The following GUCD1 variants were observed in gnomAD, a reference collection of about 807,000 sequenced individuals.
GUCD1 encodes the protein protein GUCD1.
GUCD1 carries 17 observed loss-of-function variants against 28.3 expected under a neutral mutation model. That is an observed-to-expected ratio of 0.60 (90% CI 0.41 to 0.90). The LOEUF is 0.90. Among genes scored for constraint, GUCD1 ranks in the 40% least tolerant of loss-of-function variants. The probability of loss-of-function intolerance (pLI) is 0.00; values close to 1 mark genes in which losing one functional copy is unlikely to be tolerated. For missense variants in GUCD1, 279 were observed against 305.5 expected, an observed-to-expected ratio of 0.91 and a Z score of 0.65; for synonymous variants, 129 against 123.3, an observed-to-expected ratio of 1.05 and a Z score of -0.30.
rs1368880460 is a variant in GUCD1, at chr22:24,542,999, C to T, written c.*7G>A. The T allele has an allele frequency of 9.3e-6, 15 of 1,607,564 alleles. No homozygotes were observed. Among genetic ancestry groups the T allele is most frequent in the Non-Finnish European group, 1.3e-5 (15 of 1,174,260 alleles). ...TCCGAGGGCCTAGGCGCACCAGGCT[C>T]CTGCTGTCAGCTGTCCAAGTAGACA... On this transcript the variant is annotated 3_prime_UTR_variant, in exon 6 of 6. Coordinates refer to ENST00000435822, the MANE Select transcript of GUCD1 (RefSeq NM_001284254.2).
intron 3 of GUCD1, 39 bp from the exon 4 acceptor site, chr22:24,547,044 G>A (rs1569012157): frequency 2.0e-6 from 3 of 1,486,066 alleles, no homozygotes; most frequent in Admixed American, 1.7e-5. Flanking sequence ...CCACCACCCA[G>A]GCTGCCTTCA....
rs749592801 is a variant in GUCD1 at position 24,543,031 on chromosome 22, A to G, written c.695T>C (p.Ile232Thr). The G allele has an allele frequency of 5.0e-6, 8 of 1,613,586 alleles. No homozygotes were observed. The South Asian group carries it at 8.8e-5, about 18-fold the overall frequency. The part of the protein sequence containing the change: ...ARTSYGTDED[I>T]LFVYLDS Reference sequence around the variant, plus strand: ...TCAGCTGTCCAAGTAGACAAAGAGGATGTCCTCATCTGTGCCATAGCTGGT... The same window carrying G: ...TCAGCTGTCCAAGTAGACAAAGAGGGTGTCCTCATCTGTGCCATAGCTGGT... The change falls in exon 6 of 6, where the codon ATC becomes ACC. Residue 232 changes from isoleucine (I) to threonine (T), a missense_variant. Transcript: ENST00000435822.
chr22:24,544,280 T>C (rs888957363), intron 4 of GUCD1, among the ~76,000 whole-genome samples, 197 bp from the exon 5 acceptor site: 3 of 151,622 alleles, frequency 2.0e-5, no homozygotes, highest in Non-Finnish European at 4.4e-5. Flanking sequence ...GGGGGGTGTG[T>C]GTGTGTGTCT....
At position 24,543,873 on chromosome 22, in the gene GUCD1, G is replaced by A. The variant is rs2044655553; in HGVS notation, c.597C>T (p.Cys199=). The change falls in exon 5 of 6, where the codon TGC becomes TGT. Residue 199 remains cysteine, a synonymous_variant. Transcript: ENST00000435822. ...VLRGYNRATG[C]IFYNNPAYAD... Reference sequence around the variant, plus strand: ...CATAGGCTGGGTTGTTGTAGAAGATGCAGCCAGTGGCCCGGTTGTAGCCAC... The same window carrying A: ...CATAGGCTGGGTTGTTGTAGAAGATACAGCCAGTGGCCCGGTTGTAGCCAC... 6.2e-7 allele frequency: 1 copy of A among 1,613,878 alleles called. No individual in the cohort carries two copies. The highest frequency in any genetic ancestry group is 1.3e-5 in the African/African-American group (1 of 74,902).
intron 1 of GUCD1, among the ~76,000 whole-genome samples, chr22:24,551,706 T>A (rs1403785650): frequency 2.6e-5 from 4 of 152,180 alleles, no homozygotes; most frequent in African/African-American, 9.7e-5. Flanking sequence ...GAGGGAACTC[T>A]CCTTCACAGC....
intron 1 of GUCD1, among the ~76,000 whole-genome samples, chr22:24,549,925 T>C (rs955611654): frequency 3.3e-5 from 5 of 152,164 alleles, no homozygotes; most frequent in African/African-American, 9.7e-5. Context: ...TTTGCTTGAC[T>C]CCAAAGACCC....
At position 24,542,606 on chromosome 22, in the gene GUCD1, CACAT is replaced by C. The variant is rs1218501691; in HGVS notation, c.*396_*399del. The C allele has an allele frequency of 3.2e-5, 7 of 216,200 alleles. No homozygotes were observed. Among genetic ancestry groups the C allele is most frequent in the Admixed American group, 1.6e-4 (3 of 19,104 alleles). The allele number at this position is 216,200 out of a possible 1,614,324, so 13.4% of individuals were successfully genotyped here. ...GTCAGCTATGCTGTCTCCAGACACTCACATACTGTCCTGACAAGTGGCATCCGTC... is the reference window on the plus strand; with the variant it reads ...GTCAGCTATGCTGTCTCCAGACACTCACTGTCCTGACAAGTGGCATCCGTC... On this transcript the variant is annotated 3_prime_UTR_variant, in exon 6 of 6. Transcript: ENST00000435822.
chr22:24,543,166 T>C, intron 5 of GUCD1, 69 bp from the exon 6 acceptor site: 2 of 1,112,786 alleles, frequency 1.8e-6, no homozygotes, highest in East Asian at 2.4e-5. Context: ...ACCGACACAG[T>C]GCCCAGGGGA....
At chr22:24,555,507 A>G, upstream of GUCD1, 1 of 1,329,272 alleles carries the variant, frequency 7.5e-7, no homozygotes, top group South Asian at 1.3e-5. Context: ...GGCCCCAAGC[A>G]ACTCTCCTCC....
rs1270779949 is a variant in GUCD1, at chr22:24,548,930, T to C, written c.115A>G (p.Arg39Gly). 2.5e-6 allele frequency: 4 copies of C among 1,580,478 alleles called. No individual in the cohort carries two copies. The highest frequency in any genetic ancestry group is 3.4e-6 in the Non-Finnish European group (4 of 1,162,844). The change falls in exon 2 of 6, where the codon AGG becomes GGG. Residue 39 changes from arginine to glycine, a missense_variant. Physicochemically the swap from Arg to Gly is moderately radical, Grantham distance 125. Transcript: ENST00000435822. ...YHWDCGLACS[R>G]MVLRYLGQLD... Reference sequence around the variant, plus strand: ...GGCCCCACTCACCGCAGCACCATCCTGGAGCAGGCCAGGCCACAGTCCCAG... The same window carrying C: ...GGCCCCACTCACCGCAGCACCATCCCGGAGCAGGCCAGGCCACAGTCCCAG...
chr22:24,543,800 A>T (rs1414537521), intron 5 of GUCD1, 42 bp downstream of exon 5: 2 of 1,602,966 alleles, frequency 1.2e-6, no homozygotes, highest in Non-Finnish European at 1.7e-6. Context: ...CAGAACAGTG[A>T]ATGTGGACCA....
chr22:24,542,863 T>C lies in GUCD1; in HGVS notation c.*143A>G. 1.5e-6 allele frequency: 1 copy of C among 655,396 alleles called. No homozygotes were observed. The highest frequency in any genetic ancestry group is 2.8e-6 in the Non-Finnish European group (1 of 362,818). The allele number at this position is 655,396 out of a possible 1,614,324, so 40.6% of individuals were successfully genotyped here. ...CAAAGCAGCTGTGCCAGTCTCCGAG[T>C]TCCTGGGACTCTGCCAGATGGGCTG... On this transcript the variant is annotated 3_prime_UTR_variant, in exon 6 of 6. Transcript: ENST00000435822.
chr22:24,555,438 G>A, upstream of GUCD1: 1 of 1,151,814 alleles, frequency 8.7e-7, no homozygotes, highest in Non-Finnish European at 1.2e-6. Flanking sequence ...GCCTCTGCCG[G>A]GTCCCGCTCT....
At chr22:24,550,408 C>T (rs2044841484) in intron 1 of GUCD1, among the ~76,000 whole-genome samples, 1 of 152,174 alleles carries the variant, frequency 6.6e-6, no homozygotes, top group Non-Finnish European at 1.5e-5. Flanking sequence ...TGCTAAGGCC[C>T]TGAGGTGGGG....
chr22:24,548,869 A>G (rs1250789100), intron 2 of GUCD1, 48 bp downstream of exon 2: 3 of 1,402,420 alleles, frequency 2.1e-6, no homozygotes, highest in South Asian at 1.2e-5. Flanking sequence ...GCCAGAGCAG[A>G]AGATGTAGAT....
intron 1 of GUCD1, among the ~76,000 whole-genome samples, chr22:24,549,501 G>A (rs2044817244): frequency 6.6e-6 from 1 of 152,086 alleles, no homozygotes; most frequent in African/African-American, 2.4e-5. Context: ...GAGCTCTGAG[G>A]AGGAGGGACA....
intron 1 of GUCD1, among the ~76,000 whole-genome samples, chr22:24,553,508 A>G (rs1182918991): frequency 6.6e-6 from 1 of 152,130 alleles, no homozygotes; most frequent in Non-Finnish European, 1.5e-5. Context: ...CGTTTTCCAA[A>G]AAGACCTCAT....
intron 4 of GUCD1, among the ~76,000 whole-genome samples, chr22:24,546,649 TG>T (rs2044735077): frequency 6.6e-6 from 1 of 152,226 alleles, no homozygotes; most frequent in Admixed American, 6.5e-5. Context: ...GCCCAAGGGC[TG>T]GGTGCAATCT....
In GUCD1 at chr22:24,543,001, T is replaced by G. The variant is rs757418558; in HGVS notation, c.*5A>C. ...CGAGGGCCTAGGCGCACCAGGCTCC[T>G]GCTGTCAGCTGTCCAAGTAGACAAA... On this transcript the variant is annotated 3_prime_UTR_variant, in exon 6 of 6. Coordinates refer to ENST00000435822, the MANE Select transcript of GUCD1 (RefSeq NM_001284254.2). 6.2e-6 allele frequency: 10 copies of G among 1,609,056 alleles called. No homozygotes were observed. The highest frequency in any genetic ancestry group is 3.3e-5 in the Admixed American group (2 of 59,998).
Sources: allele counts gnomAD v4.1 joint callset (sites outside exome capture counted in the v4.1 genomes callset), GRCh38; gene constraint gnomAD v4.1.1; transcripts MANE v1.5; gene names NCBI Gene and HGNC (gene_info 2026-07-23, HGNC 2026-07-21).